Variants in PROX1 observed in about 807,000 individuals in gnomAD.
PROX1 encodes the protein prospero homeobox protein 1.
PROX1 carries 7 observed loss-of-function variants against 58.8 expected under a neutral mutation model. The ratio of observed to expected loss-of-function variants is 0.12; its 90% CI spans 0.07 to 0.22. PROX1 has a LOEUF of 0.22. Ranked by LOEUF, PROX1 falls within the 10% of genes least tolerant of loss-of-function variation. The probability of loss-of-function intolerance (pLI) is 1.00; values close to 1 mark genes in which losing one functional copy is unlikely to be tolerated. For missense variants in PROX1, 675 were observed against 927.8 expected, an observed-to-expected ratio of 0.73 and a Z score of 3.54; for synonymous variants, 350 against 358.3, an observed-to-expected ratio of 0.98 and a Z score of 0.26.
chr1:214,036,257 T>C lies in PROX1; in HGVS notation c.*423T>C, dbSNP rs116007960. ...TACAGACAGTGATGTGTCTCTTGTT[T>C]CTACTGCTAAGAAGGTCTGAAAATT... is the stretch of plus-strand genomic sequence containing the variant. On this transcript the variant is annotated 3_prime_UTR_variant, in exon 5 of 5. Transcript: ENST00000366958. The C allele has an allele frequency of 0.015, 2,288 of 153,502 alleles. 23 individuals carry two copies. Among genetic ancestry groups the C allele is most frequent in the Non-Finnish European group, 0.019 (1,338 of 68,946 alleles). 9.5% of individuals were successfully genotyped at this position (153,502 alleles called of 1,614,324 possible). A position where few individuals can be genotyped will look rare whatever the true frequency, so the allele number is the denominator to read the frequency against.
chr1:214,022,931 T>C (rs982187771), intron 4 of PROX1, among the ~76,000 whole-genome samples: 1 of 152,192 alleles, frequency 6.6e-6, no homozygotes, highest in African/African-American at 2.4e-5. Context: ...ATGGCTTCCA[T>C]GTGAGGCCCC....
chr1:214,025,897 C>T (rs191330012), intron 4 of PROX1, among the ~76,000 whole-genome samples: 12 of 152,152 alleles, frequency 7.9e-5, no homozygotes, highest in African/African-American at 2.9e-4. Context: ...CTCCTGACCT[C>T]ATGATTCACC....
intron 2 of PROX1, among the ~76,000 whole-genome samples, chr1:214,000,588 AT>A (rs2102704541): frequency 6.6e-6 from 1 of 152,176 alleles, no homozygotes; most frequent in Non-Finnish European, 1.5e-5. Flanking sequence ...TAGTGATTAC[AT>A]TTTCCACCTT....
At chr1:214,023,545 T>C (rs953345925) in intron 4 of PROX1, among the ~76,000 whole-genome samples, 4 of 152,116 alleles carry the variant, frequency 2.6e-5, no homozygotes, top group Non-Finnish European at 5.9e-5. Flanking sequence ...TTAGATGATA[T>C]AACTACCTTC....
upstream of PROX1, chr1:213,984,628 CGTCA>C (rs1662779367): frequency 6.6e-6 from 1 of 152,516 alleles, no homozygotes; most frequent in African/African-American, 2.4e-5. Context: ...AGTGAGAGGC[CGTCA>C]GTCAGTTTTG....
At chr1:213,985,090 G>A (rs984849157), upstream of PROX1, 3 of 152,178 alleles carry the variant, frequency 2.0e-5, no homozygotes, top group African/African-American at 7.2e-5. Context: ...CAACCTGCAC[G>A]GATAGAGTGT....
At chr1:214,019,644 C>A (rs1332873732) in intron 4 of PROX1, among the ~76,000 whole-genome samples, 1 of 152,158 alleles carries the variant, frequency 6.6e-6, no homozygotes, top group Non-Finnish European at 1.5e-5. Flanking sequence ...TACAGGCCTC[C>A]CCTCCCCTGT....
At chr1:214,021,917 T>G (rs925166277) in intron 4 of PROX1, among the ~76,000 whole-genome samples, 6 of 152,180 alleles carry the variant, frequency 3.9e-5, no homozygotes, top group Admixed American at 1.3e-4. Flanking sequence ...TTTGACATCA[T>G]GAGGAGATAG....
chr1:214,003,369 G>A (rs143087158), intron 2 of PROX1, among the ~76,000 whole-genome samples: 4 of 152,296 alleles, frequency 2.6e-5, no homozygotes, highest in Non-Finnish European at 5.9e-5. Flanking sequence ...CAAGGCAGTC[G>A]CAGACAGCTT....
intron 4 of PROX1, among the ~76,000 whole-genome samples, chr1:214,026,405 T>C (rs1014337318): frequency 1.3e-5 from 2 of 152,170 alleles, no homozygotes; most frequent in Non-Finnish European, 1.5e-5. Flanking sequence ...GCTAGTACTA[T>C]CTTCTACTGG....
At chr1:213,984,847 A>AAG (rs1662787838), upstream of PROX1, 1 of 152,522 alleles carries the variant, frequency 6.6e-6, no homozygotes, top group Non-Finnish European at 1.5e-5. Context: ...TGTAATTCTC[A>AAG]GAATTGGTTT....
rs578078086 is a variant in PROX1, at chr1:214,041,160, A to G, written c.*5326A>G. ...TACCACTTAAAGGATACAGTAGTCC[A>G]ATTGCCTTGTGTGCCTTCCATCTCC... On this transcript the variant is annotated 3_prime_UTR_variant, in exon 5 of 5. Coordinates refer to ENST00000366958, the MANE Select transcript of PROX1 (RefSeq NM_001270616.2). 1.3e-5 allele frequency: 2 copies of G among 152,144 alleles called. No homozygotes were observed. The highest frequency in any genetic ancestry group is 2.9e-5 in the Non-Finnish European group (2 of 68,004). The allele number at this position is 152,144 out of a possible 1,614,324, so 9.4% of individuals were successfully genotyped here.
chr1:213,998,000 A>T lies in PROX1; in HGVS notation c.1465A>T (p.Met489Leu). 6.2e-7 allele frequency: 1 copy of T among 1,613,290 alleles called. No homozygotes were observed. The highest frequency in any genetic ancestry group is 8.5e-7 in the Non-Finnish European group (1 of 1,179,592). The change falls in exon 2 of 5, where the codon ATG becomes TTG. Residue 489 changes from methionine to leucine, a missense_variant. Coordinates refer to ENST00000366958, the MANE Select transcript of PROX1 (RefSeq NM_001270616.2). This position sits in a 1 kb window ranked among gnomAD's most constrained non-coding sequence, Gnocchi z 7.1. ...CCGCCACCCCTTCCCCCTTCCCTTG[A>T]TGGCCTATCCATTTCAGAGCCCATT... ...TFRHPFPLPLMAYPFQSPLGA... is the reference protein window; with the variant it reads ...TFRHPFPLPLLAYPFQSPLGA...
intron 4 of PROX1, among the ~76,000 whole-genome samples, chr1:214,017,584 G>T (rs149291171): frequency 6.7e-6 from 1 of 148,564 alleles, no homozygotes; most frequent in Admixed American, 6.8e-5. Flanking sequence ...AAAAAAAATC[G>T]TCCTTGTGTT....
At chr1:214,005,729 G>A (rs973425673) in intron 3 of PROX1, among the ~76,000 whole-genome samples, 2 of 152,186 alleles carry the variant, frequency 1.3e-5, no homozygotes, top group African/African-American at 2.4e-5. Context: ...AATTCTCTAT[G>A]CAGTAGCTGC....
At chr1:213,984,353 T>C (rs1023303522), upstream of PROX1, 2 of 152,372 alleles carry the variant, frequency 1.3e-5, no homozygotes, top group Middle Eastern at 3.4e-3. Flanking sequence ...TTTATCATTT[T>C]AAAAATTACT....
rs762742903 is a variant in PROX1 at position 214,011,687 on chromosome 1, T to C, written c.2000T>C (p.Met667Thr). 3.1e-6 allele frequency: 5 copies of C among 1,603,250 alleles called. No individual in the cohort carries two copies. Among genetic ancestry groups the C allele is most frequent in the East Asian group, 4.5e-5 (2 of 44,698 alleles). The change falls in exon 4 of 5, where the codon ATG becomes ACG. Residue 667 changes from methionine to threonine, a missense_variant. By Grantham distance (81) the Met-to-Thr change is moderately conservative. This residue lies in a region of PROX1 where 50 missense variants were observed against 79.3 expected (regional missense o/e 0.63). Coordinates refer to ENST00000366958, the MANE Select transcript of PROX1 (RefSeq NM_001270616.2). ...RDCELYRALN[M>T]HYNKANDFEV... ...TGTGAGCTGTACAGGGCTCTGAACATGCACTACAATAAAGCAAATGACTTT... is the reference window on the plus strand; with the variant it reads ...TGTGAGCTGTACAGGGCTCTGAACACGCACTACAATAAAGCAAATGACTTT...
intron 3 of PROX1, among the ~76,000 whole-genome samples, chr1:214,007,462 T>A (rs149680382): frequency 0.014 from 2,202 of 152,366 alleles, 44 homozygotes; most frequent in African/African-American, 0.05. Flanking sequence ...CTTTCCTAAT[T>A]ATGTTTTTTC....
chr1:214,012,693 C>A (rs1479017120), intron 4 of PROX1, among the ~76,000 whole-genome samples: 2 of 152,216 alleles, frequency 1.3e-5, no homozygotes, highest in Admixed American at 1.3e-4. Flanking sequence ...TGTGGCTTGA[C>A]AAAGTTGGTC....
Sources: gnomAD v4.1 joint callset for allele counts (sites outside exome capture counted in the v4.1 genomes callset) on GRCh38, gnomAD v4.1.1 for gene constraint, gnomAD v4.1.1 regional missense constraint, Gnocchi (gnomAD v3.1) non-coding constraint, MANE v1.5 for transcripts, NCBI Gene and HGNC (gene_info 2026-07-23, HGNC 2026-07-21) for gene names.